The following BCKDHB variants were observed in gnomAD, a reference collection of about 807,000 sequenced individuals.
The protein encoded by BCKDHB is 2-oxoisovalerate dehydrogenase subunit beta, mitochondrial.
A neutral mutation model predicts 48.5 loss-of-function variants in BCKDHB; 41 were observed. The observed-to-expected ratio is 0.85, with a 90% CI of 0.66 to 1.10. The LOEUF is 1.10. BCKDHB is among the 50% of genes least tolerant of loss of function. The pLI is 0.00. For missense variants in BCKDHB, 496 were observed against 494.2 expected, an observed-to-expected ratio of 1.00 and a Z score of -0.03; for synonymous variants, 201 against 174.8, an observed-to-expected ratio of 1.15 and a Z score of -1.18.
At chr6:80,209,663 T>C (rs929097701) in intron 8 of BCKDHB, among the ~76,000 whole-genome samples, 2 of 151,888 alleles carry the variant, frequency 1.3e-5, no homozygotes, top group African/African-American at 4.8e-5. Flanking sequence ...CACACAAGCA[T>C]CAGTTACAGC....
At chr6:80,438,311 A>G in the BCKDHB span, among the ~76,000 whole-genome samples, 3 of 152,242 alleles carry the variant, frequency 2.0e-5, no homozygotes, top group African/African-American at 4.8e-5. Context: ...CTTAACAAGG[A>G]TCTCATAGCA....
chr6:80,181,911 T>C (rs1773430153), intron 6 of BCKDHB, among the ~76,000 whole-genome samples: 1 of 152,176 alleles, frequency 6.6e-6, no homozygotes, highest in African/African-American at 2.4e-5. Context: ...TACTGAAAAG[T>C]ACAAACAAAG....
intron 9 of BCKDHB, among the ~76,000 whole-genome samples, chr6:80,324,285 T>G (rs556622508): frequency 6.6e-6 from 1 of 152,154 alleles, no homozygotes; most frequent in African/African-American, 2.4e-5. Flanking sequence ...AAATAAGACT[T>G]TCTGTAGGTG....
intron 1 of BCKDHB, among the ~76,000 whole-genome samples, chr6:80,124,695 C>T (rs914182276): frequency 1.3e-5 from 2 of 152,122 alleles, no homozygotes; most frequent in Admixed American, 6.6e-5. Flanking sequence ...TATACATCTC[C>T]GTCAGAGCGC....
At chr6:80,242,457 T>C (rs1582425720) in intron 8 of BCKDHB, among the ~76,000 whole-genome samples, 1 of 152,182 alleles carries the variant, frequency 6.6e-6, no homozygotes, top group East Asian at 1.9e-4. Context: ...TCTTCAGTTA[T>C]TTTTGGTGGG....
chr6:80,236,749 C>A (rs1776163579), intron 8 of BCKDHB, among the ~76,000 whole-genome samples: 1 of 152,094 alleles, frequency 6.6e-6, no homozygotes, highest in African/African-American at 2.4e-5. Context: ...TTCTATGCAG[C>A]CTCATTTATC....
chr6:80,330,280 T>C (rs1243094773), intron 9 of BCKDHB, among the ~76,000 whole-genome samples: 1 of 152,116 alleles, frequency 6.6e-6, no homozygotes, highest in Non-Finnish European at 1.5e-5. Context: ...GAGTTGAAGG[T>C]TCAGGAATTG....
chr6:80,205,791 G>GGTGTGTGTGTGT lies in BCKDHB; in HGVS notation c.951+2612_951+2623dup, dbSNP rs3840387. On this transcript the variant is annotated intron_variant, in intron 8 of 9. Coordinates refer to ENST00000320393, the MANE Select transcript of BCKDHB (RefSeq NM_183050.4). ...AGACAGAGACCTACCCTGTGCCATG[G>GGTGTGTGTGTGT]GTGTGTGTGTGTGTGTGTGTGTGTG... Among the ~76,000 whole-genome samples, 1,038 of 135,156 alleles carry GGTGTGTGTGTGT rather than the reference G, an allele frequency of 7.7e-3. 17 individuals carry two copies. The highest frequency in any genetic ancestry group is 0.027 in the African/African-American group (933 of 35,066). The allele number at this position is 135,156 out of a possible 152,430, so 88.7% of individuals were successfully genotyped here.
In BCKDHB at chr6:80,273,320, CT is replaced by C. The variant is rs762215900; in HGVS notation, c.1038+102del. 5.9e-5 allele frequency: 63 copies of C among 1,074,580 alleles called. No individual in the cohort carries two copies. In the East Asian group the frequency reaches 8.6e-4, roughly 15 times the overall value. The allele number at this position is 1,074,580 out of a possible 1,614,324, so 66.6% of individuals were successfully genotyped here. A position where few individuals can be genotyped will look rare whatever the true frequency, so the allele number is the denominator to read the frequency against. On this transcript the variant is annotated intron_variant, in intron 9 of 9. Transcript: ENST00000320393. The stretch of plus-strand genomic sequence containing the variant: ...TTATCACAATATGTGAAAGCATACA[CT>C]TTATGGAAATGTAGTGCATGCTTTC...
chr6:80,374,632 T>G, the BCKDHB span: 1 of 517,602 alleles, frequency 1.9e-6, no homozygotes, highest in African/African-American at 1.9e-5. Flanking sequence ...AGTGGAGCAT[T>G]TAGGCCATTT....
the BCKDHB span, among the ~76,000 whole-genome samples, chr6:80,445,245 G>C: frequency 6.6e-6 from 1 of 152,144 alleles, no homozygotes; most frequent in Non-Finnish European, 1.5e-5. Flanking sequence ...TGTGCTTTCA[G>C]TATACAGGAC....
At chr6:80,204,775 A>G (rs1774563483) in intron 8 of BCKDHB, among the ~76,000 whole-genome samples, 1 of 152,098 alleles carries the variant, frequency 6.6e-6, no homozygotes, top group South Asian at 2.1e-4. Flanking sequence ...AAGCAAAGAG[A>G]GTAGAGTTAG....
At chr6:80,223,675 A>T (rs1057141454) in intron 8 of BCKDHB, among the ~76,000 whole-genome samples, 2 of 152,226 alleles carry the variant, frequency 1.3e-5, no homozygotes, top group African/African-American at 4.8e-5. Context: ...AAAGGAGGCG[A>T]TTAATCCTCC....
At chr6:80,272,772 C>T (rs1368552692) in intron 8 of BCKDHB, among the ~76,000 whole-genome samples, 1 of 152,046 alleles carries the variant, frequency 6.6e-6, no homozygotes, top group Non-Finnish European at 1.5e-5. Context: ...ATAAAAAAAA[C>T]TTTCGCTCTT....
At chr6:80,264,075 C>G (rs114623253) in intron 8 of BCKDHB, among the ~76,000 whole-genome samples, 4,223 of 152,176 alleles carry the variant, frequency 0.028, 215 homozygotes, top group African/African-American at 0.096. Context: ...TTGTTTCTAA[C>G]AAAAATAAAT....
the BCKDHB span, among the ~76,000 whole-genome samples, chr6:80,444,794 TG>T: frequency 6.6e-6 from 1 of 152,232 alleles, no homozygotes; most frequent in East Asian, 1.9e-4. Context: ...TCAAATTTTG[TG>T]TTTTATTATT....
chr6:80,171,118 A>G (rs1460092733), intron 5 of BCKDHB, among the ~76,000 whole-genome samples, 164 bp from the exon 6 acceptor site: 2 of 152,088 alleles, frequency 1.3e-5, no homozygotes, highest in Admixed American at 6.6e-5. Flanking sequence ...TTTTATTTTT[A>G]TATAATATGT....
At chr6:80,365,515 G>A in the BCKDHB span, among the ~76,000 whole-genome samples, 234 of 152,156 alleles carry the variant, frequency 1.5e-3, 2 homozygotes, top group African/African-American at 5.3e-3. Context: ...CCGTTTATAG[G>A]CTCTCTGCAA....
chr6:80,457,983 A>G, the BCKDHB span, among the ~76,000 whole-genome samples: 1 of 152,206 alleles, frequency 6.6e-6, no homozygotes, highest in Admixed American at 6.5e-5. Context: ...GTATATAGAC[A>G]TAGATTTCAC....
Sources: gnomAD v4.1 joint callset for allele counts (sites outside exome capture counted in the v4.1 genomes callset) on GRCh38, gnomAD v4.1.1 for gene constraint, MANE v1.5 for transcripts, NCBI Gene and HGNC (gene_info 2026-07-23, HGNC 2026-07-21) for gene names.